POLR1D: variants seen among roughly 807,000 people sequenced by gnomAD.
The protein encoded by POLR1D is DNA-directed RNA polymerases I and III subunit RPAC2.
In POLR1D, 8 loss-of-function variants were observed where a neutral mutation model predicts 10.8. That is an observed-to-expected ratio of 0.74 (90% CI 0.43 to 1.33). The LOEUF (loss-of-function observed/expected upper bound fraction) is 1.33, where lower values mean the gene tolerates loss of function less well. Ranked by LOEUF, POLR1D falls within the 40% of genes most tolerant of loss-of-function variation. The pLI is 0.01. For missense variants in POLR1D, 152 were observed against 161.7 expected, an observed-to-expected ratio of 0.94 and a Z score of 0.32; for synonymous variants, 54 against 57.2, an observed-to-expected ratio of 0.94 and a Z score of 0.25.
At position 27,623,375 on chromosome 13, in the gene POLR1D, G is replaced by T; in HGVS notation, c.*125G>T. On this transcript the variant is annotated 3_prime_UTR_variant, in exon 2 of 2. Transcript: ENST00000302979. Reference sequence around the variant, plus strand: ...CCTTCAGAAAGGCGTGATTCTAGCTGTTGACCCCTTGCAGCTGTTGGAATC... The same window carrying T: ...CCTTCAGAAAGGCGTGATTCTAGCTTTTGACCCCTTGCAGCTGTTGGAATC... 2 of 1,526,980 alleles carry T rather than the reference G, an allele frequency of 1.3e-6. No homozygotes were observed. The highest frequency in any genetic ancestry group is 2.4e-5 in the East Asian group (1 of 40,892). The allele number at this position is 1,526,980 out of a possible 1,614,324, so 94.6% of individuals were successfully genotyped here.
In POLR1D at chr13:27,622,992, C is replaced by T. The variant is rs750965300; in HGVS notation, c.144C>T (p.Asp48=). 1.9e-6 allele frequency: 3 copies of T among 1,613,956 alleles called. No homozygotes were observed. Among genetic ancestry groups the T allele is most frequent in the African/African-American group, 1.3e-5 (1 of 74,912 alleles). ...HCVTFVLHEE[D]HTLGNSLRYM... is the part of the protein sequence containing the mutation. Reference sequence around the variant, plus strand: ...TGACATTTGTATTGCACGAGGAAGACCATACCCTAGGAAATTCTCTACGTT... The same window carrying T: ...TGACATTTGTATTGCACGAGGAAGATCATACCCTAGGAAATTCTCTACGTT... The change falls in exon 2 of 2, where the codon GAC becomes GAT. Residue 48 remains aspartate, a synonymous_variant. Transcript: ENST00000302979.
At chr13:27,660,330 C>T (rs746150454) in intron 2 of POLR1D, among the ~76,000 whole-genome samples, 9 of 152,126 alleles carry the variant, frequency 5.9e-5, no homozygotes, top group Admixed American at 5.9e-4. Context: ...CATGAGAGTG[C>T]AAAGACACGT....
At chr13:27,624,867 G>A (rs1955992876), downstream of POLR1D, among the ~76,000 whole-genome samples, 1 of 152,186 alleles carries the variant, frequency 6.6e-6, no homozygotes, top group Admixed American at 6.5e-5. Flanking sequence ...CAGCCTGGGT[G>A]ACAGAGGGAG....
chr13:27,650,137 A>G, intron 2 of POLR1D: 1 of 398,014 alleles, frequency 2.5e-6, no homozygotes, highest in Non-Finnish European at 4.4e-6. Flanking sequence ...AGGACATGCT[A>G]CCCTCCCAGC....
intron 2 of POLR1D, among the ~76,000 whole-genome samples, chr13:27,654,274 T>C (rs899781860): frequency 1.3e-5 from 2 of 152,234 alleles, no homozygotes; most frequent in African/African-American, 4.8e-5. Context: ...TCCTTGTACC[T>C]TGGCTGGATC....
chr13:27,657,140 G>A (rs984237353), intron 2 of POLR1D, among the ~76,000 whole-genome samples: 2 of 152,130 alleles, frequency 1.3e-5, no homozygotes, highest in Non-Finnish European at 2.9e-5. Flanking sequence ...TCTACCAGGG[G>A]CTCTGTTACA....
At chr13:27,623,587 G>A (rs1350207305), downstream of POLR1D, 4 of 280,776 alleles carry the variant, frequency 1.4e-5, no homozygotes, top group African/African-American at 8.7e-5. Flanking sequence ...GGAATTAAAA[G>A]AAGTATATAT....
chr13:27,632,359 A>G (rs939564154), intron 1 of POLR1D, among the ~76,000 whole-genome samples: 2 of 152,196 alleles, frequency 1.3e-5, no homozygotes, highest in African/African-American at 2.4e-5. Context: ...TGTTTTTTCA[A>G]TGCCGAATAG....
exon 3 of POLR1D, chr13:27,665,957 T>G: frequency 2.5e-6 from 4 of 1,613,854 alleles, no homozygotes; most frequent in Non-Finnish European, 3.4e-6. Context: ...GCGGTGAGGC[T>G]GGAACCAGGG....
At chr13:27,650,169 T>C in intron 2 of POLR1D, 1 of 397,528 alleles carries the variant, frequency 2.5e-6, no homozygotes. Flanking sequence ...ATAATAAGCA[T>C]GGAATATTGC....
At position 27,648,651 on chromosome 13, in the gene POLR1D, G is replaced by A. The variant is rs1459257404; in HGVS notation, c.101+198G>A. The stretch of plus-strand genomic sequence containing the variant: ...AATAACATGAAGAAATGGGCAGCAG[G>A]CGCCTATGGAGGATACGCAGTATAG... On this transcript the variant is annotated intron_variant, in intron 2 of 2. Coordinates refer to the POLR1D transcript ENST00000399697. Among the ~76,000 whole-genome samples, 6 of 152,200 alleles carry A rather than the reference G, an allele frequency of 3.9e-5. No individual in the cohort carries two copies. In the East Asian group the frequency reaches 7.7e-4, roughly 20 times the overall value.
At chr13:27,635,186 A>G (rs535534) in intron 1 of POLR1D, among the ~76,000 whole-genome samples, 75,127 of 152,010 alleles carry the variant, frequency 0.49, 21,034 homozygotes, top group East Asian at 0.82. Context: ...TAAGAACCCA[A>G]ATAAAGGTTT....
chr13:27,664,403 C>T (rs1257398017), intron 2 of POLR1D, among the ~76,000 whole-genome samples: 1 of 152,206 alleles, frequency 6.6e-6, no homozygotes, highest in African/African-American at 2.4e-5. Context: ...ATTTCTGTTG[C>T]ACTCCACTGT....
intron 1 of POLR1D, among the ~76,000 whole-genome samples, chr13:27,630,995 G>A (rs1324080653): frequency 6.6e-6 from 1 of 152,084 alleles, no homozygotes; most frequent in African/African-American, 2.4e-5. Context: ...TTTACTTCCC[G>A]AACCTCTCTT....
chr13:27,629,363 G>A (rs1332303694), intron 1 of POLR1D, among the ~76,000 whole-genome samples: 1 of 152,142 alleles, frequency 6.6e-6, no homozygotes, highest in Non-Finnish European at 1.5e-5. Flanking sequence ...ATACCATATA[G>A]GGATGTTACA....
At chr13:27,626,803 T>G (rs12855186), downstream of POLR1D, among the ~76,000 whole-genome samples, 1 of 152,124 alleles carries the variant, frequency 6.6e-6, no homozygotes, top group Non-Finnish European at 1.5e-5. Flanking sequence ...ATTTTCAAAG[T>G]ACTTTACAAG....
chr13:27,664,977 TA>T (rs1956400934), intron 2 of POLR1D: 1 of 152,352 alleles, frequency 6.6e-6, no homozygotes, highest in African/African-American at 2.4e-5. Context: ...ACATAGTATA[TA>T]AGTAGATCTA....
intron 1 of POLR1D, among the ~76,000 whole-genome samples, chr13:27,633,135 G>A (rs1416354953): frequency 6.6e-6 from 1 of 152,166 alleles, no homozygotes; most frequent in Admixed American, 6.5e-5. Flanking sequence ...TAGAGTGCCA[G>A]AGGAGTAGCC....
Position 27,623,404 on chromosome 13 carries a change from G to C in POLR1D, c.*154G>C. ...ACCCCTTGCAGCTGTTGGAATCTCT[G>C]CAAGAACCTCTGTATTCTTCTAATA... On this transcript the variant is annotated 3_prime_UTR_variant, in exon 2 of 2. Transcript: ENST00000302979. 6.8e-7 allele frequency: 1 copy of C among 1,465,336 alleles called. No individual in the cohort carries two copies. Among genetic ancestry groups the C allele is most frequent in the Non-Finnish European group, 9.0e-7 (1 of 1,109,408 alleles). The allele number at this position is 1,465,336 out of a possible 1,614,324, so 90.8% of individuals were successfully genotyped here.
Sources: allele counts gnomAD v4.1 joint callset (sites outside exome capture counted in the v4.1 genomes callset), GRCh38; gene constraint gnomAD v4.1.1; transcripts MANE v1.5; gene names NCBI Gene and HGNC (gene_info 2026-07-23, HGNC 2026-07-21).